The following NCOA2 variants were observed in gnomAD, a reference collection of about 807,000 sequenced individuals.
The protein encoded by NCOA2 is nuclear receptor coactivator 2.
Under a neutral mutation model 145.1 loss-of-function variants are expected in NCOA2, and 21 were observed. The observed-to-expected ratio is 0.14, with a 90% CI of 0.10 to 0.21. The LOEUF (loss-of-function observed/expected upper bound fraction) is 0.21. Ranked by LOEUF, NCOA2 falls within the 10% of genes least tolerant of loss-of-function variation. The pLI is 1.00. For missense variants in NCOA2, 1,472 were observed against 1,837.6 expected, an observed-to-expected ratio of 0.80 and a Z score of 3.64; for synonymous variants, 619 against 637.5, an observed-to-expected ratio of 0.97 and a Z score of 0.44.
At position 70,325,492 on chromosome 8, in the gene NCOA2, C is replaced by T. The variant is rs373767027; in HGVS notation, c.-76-28692G>A. ...AGGCTGGAGTACAGTGGCGTAATCT[C>T]GGCACACTGCAGCCTCAACCTCCTC... is the stretch of plus-strand genomic sequence containing the variant. On this transcript the variant is annotated intron_variant, in intron 1 of 22. Coordinates refer to ENST00000452400, the MANE Select transcript of NCOA2 (RefSeq NM_006540.4). Among the ~76,000 whole-genome samples, 14 of 151,652 alleles carry T rather than the reference C, an allele frequency of 9.2e-5. No homozygotes were observed. The South Asian group carries it at 1.2e-3, about 14-fold the overall frequency.
chr8:70,220,411 G>GA (rs1047614601), intron 2 of NCOA2, among the ~76,000 whole-genome samples: 1 of 151,076 alleles, frequency 6.6e-6, no homozygotes, highest in Non-Finnish European at 1.5e-5. Flanking sequence ...GGACAAGTCT[G>GA]AAAAAAAAAG....
intron 2 of NCOA2, among the ~76,000 whole-genome samples, chr8:70,287,744 T>A (rs946180643): frequency 1.3e-5 from 2 of 152,202 alleles, no homozygotes; most frequent in African/African-American, 4.8e-5. Flanking sequence ...AATAGGCAAT[T>A]TATCAACTTC....
intron 1 of NCOA2, chr8:70,402,262 A>T (rs1244736682): frequency 2.0e-5 from 3 of 151,312 alleles, no homozygotes; most frequent in Non-Finnish European, 4.4e-5. Flanking sequence ...GCGTCGGAGG[A>T]GGTGGAGAGG....
Position 70,131,873 on chromosome 8 carries a change from A to C in NCOA2, c.3288T>G (p.Ile1096Met). Residue 1096 changes from isoleucine (I) to methionine (M), a missense_variant, in exon 16 of 23, where the codon ATT (isoleucine) becomes ATG (methionine). This residue lies in a region of NCOA2 where 953 missense variants were observed against 1,062.1 expected (regional missense o/e 0.90). Coordinates refer to ENST00000452400, the MANE Select transcript of NCOA2 (RefSeq NM_006540.4). The part of the protein sequence containing the change: ...ALRNFDGLEE[I>M]DRALGIPELV... ...GTTCGGGTATTCCTAAGGCTCTATC[A>C]ATCTCCTCCAGGCCATCAAAATTCC... The C allele has an allele frequency of 1.2e-6, 2 of 1,600,178 alleles. No individual in the cohort carries two copies. Among genetic ancestry groups the C allele is most frequent in the Non-Finnish European group, 1.7e-6 (2 of 1,173,664 alleles).
chr8:70,151,612 C>A (rs1171830774), intron 11 of NCOA2, among the ~76,000 whole-genome samples: 1 of 152,132 alleles, frequency 6.6e-6, no homozygotes, highest in Non-Finnish European at 1.5e-5. Context: ...TTAAGAAAGC[C>A]ATTCAGGATC....
At chr8:70,377,200 C>T (rs553211847) in intron 1 of NCOA2, among the ~76,000 whole-genome samples, 72 of 151,680 alleles carry the variant, frequency 4.7e-4, no homozygotes, top group Middle Eastern at 6.8e-3. Context: ...AATGAAATAT[C>T]TCTACTAATT....
At chr8:70,314,318 A>G (rs1054214969) in intron 1 of NCOA2, among the ~76,000 whole-genome samples, 3 of 152,010 alleles carry the variant, frequency 2.0e-5, no homozygotes, top group African/African-American at 7.2e-5. Context: ...ACCAACCTAT[A>G]TTATCCTATT....
intron 1 of NCOA2, among the ~76,000 whole-genome samples, chr8:70,394,349 T>C (rs1813472370): frequency 6.6e-6 from 1 of 152,180 alleles, no homozygotes; most frequent in South Asian, 2.1e-4. Context: ...GAGATGGGGT[T>C]TCTCCATGTT....
intron 12 of NCOA2, among the ~76,000 whole-genome samples, chr8:70,145,527 T>A (rs1810953690): frequency 6.6e-6 from 1 of 152,070 alleles, no homozygotes; most frequent in Non-Finnish European, 1.5e-5. Flanking sequence ...TTCACCATGT[T>A]GGCCAGGATG....
chr8:70,404,412 C>T (rs1470110069), upstream of NCOA2, among the ~76,000 whole-genome samples: 2 of 152,182 alleles, frequency 1.3e-5, no homozygotes, highest in African/African-American at 4.8e-5. Flanking sequence ...AGAGGACCCT[C>T]GCGCCCGTCC....
At chr8:70,352,680 T>C (rs900664356) in intron 1 of NCOA2, among the ~76,000 whole-genome samples, 11 of 152,172 alleles carry the variant, frequency 7.2e-5, no homozygotes, top group Admixed American at 4.6e-4. Flanking sequence ...AACCAATACA[T>C]ACAACAACTG....
rs183685834 is a variant in NCOA2 at position 70,402,453 on chromosome 8, T to C, written c.-77+1247A>G. ...CGGTCCCGCAGGCCCCGGAAACCACTAGAGGGAGGGGAAGAGGGAGGGGCC... is the reference window on the plus strand; with the variant it reads ...CGGTCCCGCAGGCCCCGGAAACCACCAGAGGGAGGGGAAGAGGGAGGGGCC... On this transcript the variant is annotated intron_variant, in intron 1 of 22. Transcript: ENST00000452400. 140 of 151,388 alleles carry C rather than the reference T, an allele frequency of 9.2e-4. 4 individuals are homozygous for C. In the East Asian group the frequency reaches 0.026, roughly 28 times the overall value. The allele number at this position is 151,388 out of a possible 1,614,324, so 9.4% of individuals were successfully genotyped here.
intron 2 of NCOA2, among the ~76,000 whole-genome samples, chr8:70,218,199 GTTTTTTTTT>G (rs34322124): frequency 7.5e-6 from 1 of 133,880 alleles, no homozygotes; most frequent in Non-Finnish European, 1.6e-5. Flanking sequence ...AGTGGAGTTA[GTTTTTTTTT>G]TTTTTTTTTT....
intron 2 of NCOA2, among the ~76,000 whole-genome samples, 167 bp from the exon 3 acceptor site, chr8:70,216,931 C>T (rs1213277561): frequency 6.6e-6 from 1 of 152,188 alleles, no homozygotes; most frequent in Non-Finnish European, 1.5e-5. Context: ...AAAGCCGTCT[C>T]TTTAAAAAAA....
intron 14 of NCOA2, among the ~76,000 whole-genome samples, chr8:70,139,152 T>A (rs1020010235): frequency 6.6e-6 from 1 of 152,230 alleles, no homozygotes; most frequent in African/African-American, 2.4e-5. Flanking sequence ...TTAAAGCCAA[T>A]GGATGAGATG....
chr8:70,335,122 CAAAAAAAAAAAAAAAA>C lies in NCOA2; in HGVS notation c.-76-38338_-76-38323del, dbSNP rs59460365. ...TGGGCAACAGCATGAGACTCCATCT[CAAAAAAAAAAAAAAAA>C]AAAAAAAAAAAAAAAGATCTCTCCC... On this transcript the variant is annotated intron_variant, in intron 1 of 22. Coordinates refer to ENST00000452400, the MANE Select transcript of NCOA2 (RefSeq NM_006540.4). Among the ~76,000 whole-genome samples the C allele has an allele frequency of 1.7e-3, 51 of 29,472 alleles. 1 individual carries two copies. The highest frequency in any genetic ancestry group is 7.4e-3 in the Admixed American group (12 of 1,626). 19.3% of individuals were successfully genotyped at this position (29,472 alleles called of 152,430 possible). A position where few individuals can be genotyped will look rare whatever the true frequency, so the allele number is the denominator to read the frequency against.
intron 22 of NCOA2, 80 bp downstream of exon 22, chr8:70,121,222 A>G (rs1807767223): frequency 3.5e-6 from 4 of 1,153,336 alleles, no homozygotes; most frequent in South Asian, 1.3e-5. Context: ...GGTTGACAAT[A>G]TATCTATGCC....
At chr8:70,191,386 T>G (rs184978577) in intron 4 of NCOA2, among the ~76,000 whole-genome samples, 4 of 152,330 alleles carry the variant, frequency 2.6e-5, no homozygotes, top group African/African-American at 9.6e-5. Flanking sequence ...ACTGAAATAA[T>G]GCCAGTCAAA....
chr8:70,151,736 T>TA (rs1176674855), intron 11 of NCOA2, among the ~76,000 whole-genome samples: 1 of 152,222 alleles, frequency 6.6e-6, no homozygotes, highest in African/African-American at 2.4e-5. Flanking sequence ...CAACTAGAGA[T>TA]AATATTGCTT....
Sources: gnomAD v4.1 joint callset for allele counts (sites outside exome capture counted in the v4.1 genomes callset) on GRCh38, gnomAD v4.1.1 for gene constraint, gnomAD v4.1.1 regional missense constraint, MANE v1.5 for transcripts, NCBI Gene and HGNC (gene_info 2026-07-23, HGNC 2026-07-21) for gene names.